Variants in PI4KA observed in about 807,000 individuals in gnomAD.
PI4KA encodes the protein PI4-kinase alpha.
A neutral mutation model predicts 271.4 loss-of-function variants in PI4KA; 122 were observed. The ratio of observed to expected loss-of-function variants is 0.45; its 90% confidence interval spans 0.39 to 0.52. The LOEUF (loss-of-function observed/expected upper bound fraction) is 0.52, where lower values mean the gene tolerates loss of function less well. Among genes scored for constraint, PI4KA ranks in the 20% least tolerant of loss-of-function variants. The pLI is 0.00. For missense variants in PI4KA, 1,969 were observed against 2,769.1 expected, an observed-to-expected ratio of 0.71 and a Z score of 6.48; for synonymous variants, 1,041 against 1,078.8, an observed-to-expected ratio of 0.96 and a Z score of 0.69.
chr22:20,786,025 G>A (rs763160949), intron 19 of PI4KA: 15 of 1,614,014 alleles, frequency 9.3e-6, no homozygotes, highest in Admixed American at 3.3e-5. Flanking sequence ...TGCTTCTGCC[G>A]AAATTCAAGC....
chr22:20,778,347 T>C (rs537478019), intron 19 of PI4KA, among the ~76,000 whole-genome samples: 71 of 151,916 alleles, frequency 4.7e-4, no homozygotes, highest in Admixed American at 2.4e-3. Context: ...CTAAACAAAA[T>C]ACAAAAATTA....
intron 7 of PI4KA, 54 bp from the exon 8 acceptor site, chr22:20,813,560 T>G: frequency 6.5e-7 from 1 of 1,549,508 alleles, no homozygotes; most frequent in Non-Finnish European, 8.8e-7. Context: ...ACTAGGGTAC[T>G]TCCTCAAGCT....
At chr22:20,712,453 C>A (rs765395786) in intron 50 of PI4KA, 33 bp downstream of exon 50, 1 of 1,604,868 alleles carries the variant, frequency 6.2e-7, no homozygotes, top group Non-Finnish European at 8.5e-7. Context: ...GGAGCACACA[C>A]GACCTCCCCC....
chr22:20,746,698 G>A (rs1325102612), intron 29 of PI4KA, among the ~76,000 whole-genome samples: 5 of 152,226 alleles, frequency 3.3e-5, no homozygotes, highest in African/African-American at 4.8e-5. Flanking sequence ...GGCCCAGGGC[G>A]GGTGGCCCTG....
At chr22:20,835,412 C>T (rs2147765506) in intron 2 of PI4KA, among the ~76,000 whole-genome samples, 2 of 152,242 alleles carry the variant, frequency 1.3e-5, no homozygotes, top group East Asian at 3.9e-4. Flanking sequence ...GCTGACAAAC[C>T]ACATGGTAGT....
chr22:20,798,418 TG>T lies in PI4KA; in HGVS notation c.2108+165del, dbSNP rs1208052557. The T allele has an allele frequency of 1.4e-4, 85 of 607,734 alleles. 1 individual carries two copies. The South Asian group carries it at 1.6e-3, about 12-fold the overall frequency. The allele number at this position is 607,734 out of a possible 1,614,324, so 37.6% of individuals were successfully genotyped here. On this transcript the variant is annotated intron_variant, in intron 17 of 54. Coordinates refer to ENST00000255882, the MANE Select transcript of PI4KA (RefSeq NM_058004.4). The stretch of plus-strand genomic sequence containing the variant: ...GAGATGCTCAGTGGTCACCTCCAGG[TG>T]GGGGCCACATTGGGTTTTCACTTCC...
At chr22:20,853,445 A>T (rs758542446) in intron 1 of PI4KA, among the ~76,000 whole-genome samples, 6 of 152,260 alleles carry the variant, frequency 3.9e-5, no homozygotes, top group Non-Finnish European at 7.3e-5. Context: ...ACTAGCGGGC[A>T]GATAGAAATC....
intron 23 of PI4KA, among the ~76,000 whole-genome samples, chr22:20,760,913 T>C (rs1199317220): frequency 6.6e-6 from 1 of 152,162 alleles, no homozygotes; most frequent in Non-Finnish European, 1.5e-5. Context: ...ATCCTCCCAC[T>C]CAGCCTCCCA....
chr22:20,719,168 A>T (rs1362502536), intron 43 of PI4KA, among the ~76,000 whole-genome samples: 1 of 152,152 alleles, frequency 6.6e-6, no homozygotes. Flanking sequence ...CAGGGAGAAA[A>T]AAGCCCGTGT....
intron 4 of PI4KA, among the ~76,000 whole-genome samples, chr22:20,821,320 G>C (rs1035709318): frequency 6.6e-6 from 1 of 152,046 alleles, no homozygotes; most frequent in Non-Finnish European, 1.5e-5. Flanking sequence ...CCAGGTTCAA[G>C]CGATTCTCCT....
intron 1 of PI4KA, among the ~76,000 whole-genome samples, chr22:20,845,630 T>C (rs779150294): frequency 5.3e-5 from 8 of 152,214 alleles, no homozygotes; most frequent in Non-Finnish European, 1.0e-4. Flanking sequence ...GACTGTGACA[T>C]GATACACATG....
intron 32 of PI4KA, chr22:20,736,542 A>T (rs1182917392): frequency 6.5e-6 from 1 of 153,630 alleles, no homozygotes; most frequent in Non-Finnish European, 1.4e-5. Context: ...GACTTGTCAG[A>T]TCCTGGATAA....
intron 19 of PI4KA, chr22:20,779,110 C>T (rs1463614750): frequency 3.7e-6 from 5 of 1,359,236 alleles, no homozygotes; most frequent in Non-Finnish European, 5.0e-6. Context: ...TTTATGAGTC[C>T]CACATCAAAG....
At chr22:20,844,575 C>T (rs969971431) in intron 1 of PI4KA, among the ~76,000 whole-genome samples, 3 of 152,146 alleles carry the variant, frequency 2.0e-5, no homozygotes, top group South Asian at 2.1e-4. Flanking sequence ...AGAAACTAAA[C>T]GACAGAGGGC....
At chr22:20,777,282 T>C (rs1037853841) in intron 19 of PI4KA, among the ~76,000 whole-genome samples, 4 of 151,950 alleles carry the variant, frequency 2.6e-5, no homozygotes, top group African/African-American at 9.6e-5. Context: ...AATGGTGCGA[T>C]CTTGGCTCAC....
chr22:20,812,552 C>CTTTA (rs1283980617), intron 8 of PI4KA, among the ~76,000 whole-genome samples: 2 of 152,000 alleles, frequency 1.3e-5, no homozygotes, highest in Non-Finnish European at 2.9e-5. Flanking sequence ...GCCCCTGGAT[C>CTTTA]TTTATTTTGT....
intron 2 of PI4KA, among the ~76,000 whole-genome samples, chr22:20,836,046 C>T (rs570037875): frequency 9.0e-6 from 1 of 111,438 alleles, no homozygotes; most frequent in Admixed American, 9.6e-5. Flanking sequence ...AGAGAGACTC[C>T]ATTTCAAAAA....
At chr22:20,840,324 A>G (rs936755813) in intron 1 of PI4KA, among the ~76,000 whole-genome samples, 7 of 152,226 alleles carry the variant, frequency 4.6e-5, no homozygotes, top group African/African-American at 1.7e-4. Flanking sequence ...AGCACAGTGG[A>G]AAAGAAGAAG....
At chr22:20,828,889 T>C (rs1569079914) in intron 3 of PI4KA, among the ~76,000 whole-genome samples, 1 of 152,212 alleles carries the variant, frequency 6.6e-6, no homozygotes, top group Admixed American at 6.5e-5. Context: ...TATTGAATTT[T>C]ATGAAAAGCC....
Sources: allele counts gnomAD v4.1 joint callset (sites outside exome capture counted in the v4.1 genomes callset), GRCh38; gene constraint gnomAD v4.1.1; transcripts MANE v1.5; gene names NCBI Gene and HGNC (gene_info 2026-07-23, HGNC 2026-07-21).